Variants in SLC3A1 observed in about 807,000 individuals in gnomAD.
SLC3A1 encodes the protein amino acid transporter heavy chain SLC3A1.
In SLC3A1, 78 loss-of-function variants were observed where a neutral mutation model predicts 60.3. The ratio of observed to expected loss-of-function variants is 1.29; its 90% CI spans 1.08 to 1.56. SLC3A1 has a LOEUF of 1.56. SLC3A1 is among the 40% of genes most tolerant of loss of function. The pLI, the probability that SLC3A1 is intolerant of heterozygous loss-of-function variation, is 0.00. For missense variants in SLC3A1, 1,172 were observed against 858.9 expected, an observed-to-expected ratio of 1.36 and a Z score of -4.56; for synonymous variants, 392 against 307.9, an observed-to-expected ratio of 1.27 and a Z score of -2.86.
chr2:44,319,510 T>C (rs1053354307), intron 9 of SLC3A1: 1 of 152,276 alleles, frequency 6.6e-6, no homozygotes, highest in East Asian at 1.9e-4. Context: ...GGAGGCTATA[T>C]TATATAGTCA....
Position 44,320,465 on chromosome 2 carries a change from C to T in SLC3A1, c.1884C>T (p.Asp628=). The change falls in exon 10 of 10, where the codon GAC becomes GAT. Residue 628 remains aspartate (D), a synonymous_variant. Coordinates refer to ENST00000260649, the MANE Select transcript of SLC3A1 (RefSeq NM_000341.4). The part of the protein sequence containing the change: ...MRIRLSTNSA[D]KGSKVDTSGI... ...TAAGGTTAAGTACCAATTCTGCCGA[C>T]AAAGGCAGTAAAGTTGATACAAGTG... 1.2e-6 allele frequency: 2 copies of T among 1,614,122 alleles called. No homozygotes were observed. The highest frequency in any genetic ancestry group is 1.7e-6 in the Non-Finnish European group (2 of 1,179,972).
At chr2:44,308,954 G>A (rs766811419) in intron 7 of SLC3A1, among the ~76,000 whole-genome samples, 11 of 151,986 alleles carry the variant, frequency 7.2e-5, no homozygotes, top group Non-Finnish European at 1.0e-4. Context: ...AGATGGCCTC[G>A]GTCTCCTGAC....
At position 44,301,116 on chromosome 2, in the gene SLC3A1, C is replaced by T. The variant is rs760943092; in HGVS notation, c.1125C>T (p.Pro375=). 40 of 1,610,466 alleles carry T rather than the reference C, an allele frequency of 2.5e-5. No homozygotes were observed. The Admixed American group carries it at 3.8e-4, about 15-fold the overall frequency. The part of the protein sequence containing the change: ...RQTMDQYSTE[P]GRYRFMGTEA... ...CCATGGACCAATACAGCACGGAGCCCGGCAGATACAGGTTGACCACGGCAT... is the reference window on the plus strand; with the variant it reads ...CCATGGACCAATACAGCACGGAGCCTGGCAGATACAGGTTGACCACGGCAT... Residue 375 remains proline, a synonymous_variant, in exon 6 of 10, where the codon CCC becomes CCT. Transcript: ENST00000260649.
In SLC3A1 at chr2:44,301,187, C is replaced by A. The variant is rs558162191; in HGVS notation, c.1136+60C>A. On this transcript the variant is annotated intron_variant, in intron 6 of 9. Transcript: ENST00000260649. The stretch of plus-strand genomic sequence containing the variant: ...GCTTAGTGTGTGATCTGCAGTGTAT[C>A]CCTCACAACCAAGTGTATTTGGAGG... 4.4e-5 allele frequency: 70 copies of A among 1,597,738 alleles called. 1 individual carries two copies. In the South Asian group the frequency reaches 6.5e-4, roughly 15 times the overall value.
chr2:44,307,357 G>C (rs1672183862), intron 7 of SLC3A1, among the ~76,000 whole-genome samples: 1 of 152,196 alleles, frequency 6.6e-6, no homozygotes, highest in Non-Finnish European at 1.5e-5. Context: ...ATATCCAGGA[G>C]TGGAATTGCT....
intron 4 of SLC3A1, among the ~76,000 whole-genome samples, chr2:44,296,682 C>A (rs1454451589): frequency 6.6e-6 from 1 of 152,132 alleles, no homozygotes; most frequent in Non-Finnish European, 1.5e-5. Flanking sequence ...GACTTGAAAC[C>A]TCCATATTCA....
chr2:44,295,032 C>G lies in SLC3A1; in HGVS notation c.892-4939C>G, dbSNP rs190945913. On this transcript the variant is annotated intron_variant, in intron 4 of 9. Coordinates refer to ENST00000260649, the MANE Select transcript of SLC3A1 (RefSeq NM_000341.4). ...GTGCTAGGATTACAGGCATGAGCCACCACACCTGGCTTAAGAGGATGTCTT... is the reference window on the plus strand; with the variant it reads ...GTGCTAGGATTACAGGCATGAGCCAGCACACCTGGCTTAAGAGGATGTCTT... 3.6e-3 allele frequency among the ~76,000 whole-genome samples: 555 copies of G among 152,238 alleles called. 3 individuals carry two copies. Among genetic ancestry groups the G allele is most frequent in the African/African-American group, 0.013 (536 of 41,540 alleles).
intron 4 of SLC3A1, among the ~76,000 whole-genome samples, chr2:44,287,786 G>T (rs987613997): frequency 1.3e-5 from 2 of 152,164 alleles, no homozygotes; most frequent in African/African-American, 2.4e-5. Context: ...AGGTGGGAAG[G>T]AGACCCTAAC....
intron 4 of SLC3A1, among the ~76,000 whole-genome samples, chr2:44,292,504 C>A (rs955930778): frequency 6.6e-6 from 1 of 151,978 alleles, no homozygotes; most frequent in South Asian, 2.1e-4. Context: ...CTCTTGTGGC[C>A]ATCCTGGGGC....
Position 44,320,941 on chromosome 2 carries a change from A to G in SLC3A1, c.*302A>G, listed in dbSNP as rs540294069. On this transcript the variant is annotated 3_prime_UTR_variant, in exon 10 of 10. Transcript: ENST00000260649. ...AACGAATTTTAAGGGGAAGAATTTT[A>G]TCTTTTCCCTTAAAATGCAGTCATA... 104 of 424,618 alleles carry G rather than the reference A, an allele frequency of 2.4e-4. No homozygotes were observed. The highest frequency in any genetic ancestry group is 2.1e-3 in the Middle Eastern group (3 of 1,460). The allele number at this position is 424,618 out of a possible 1,614,324, so 26.3% of individuals were successfully genotyped here.
chr2:44,314,042 C>T, intron 9 of SLC3A1, 91 bp downstream of exon 9: 1 of 1,588,522 alleles, frequency 6.3e-7, no homozygotes, highest in Non-Finnish European at 8.6e-7. Flanking sequence ...GTGTCTAAAC[C>T]TTAACGGATA....
intron 8 of SLC3A1, 103 bp from the exon 9 acceptor site, chr2:44,313,732 T>TA: frequency 1.0e-6 from 1 of 991,294 alleles, no homozygotes; most frequent in South Asian, 1.3e-5. Context: ...AAACACTAGC[T>TA]AAGAACTATG....
downstream of SLC3A1, among the ~76,000 whole-genome samples, chr2:44,322,090 G>A (rs2241869): frequency 0.69 from 104,548 of 151,938 alleles, 36,788 homozygotes; most frequent in African/African-American, 0.8. Context: ...CTGACACAGC[G>A]AAAGCAGGAA....
intron 5 of SLC3A1, among the ~76,000 whole-genome samples, 170 bp from the exon 6 acceptor site, chr2:44,300,833 T>C (rs1417196475): frequency 6.6e-6 from 1 of 152,212 alleles, no homozygotes; most frequent in Non-Finnish European, 1.5e-5. Context: ...TTTATAAAGT[T>C]AACAACTTGA....
chr2:44,286,497 A>ACGGTGCCTGTGACGGTGAGCTGTG (rs767281628), intron 4 of SLC3A1, among the ~76,000 whole-genome samples: 2 of 140,674 alleles, frequency 1.4e-5, no homozygotes, highest in African/African-American at 2.7e-5. Flanking sequence ...AGTGAGCTGT[A>ACGGTGCCTGTGACGGTGAGCTGTG]CGGTGCCTGT....
chr2:44,289,450 A>G (rs1345527663), intron 4 of SLC3A1, among the ~76,000 whole-genome samples: 1 of 151,868 alleles, frequency 6.6e-6, no homozygotes, highest in African/African-American at 2.4e-5. Context: ...GTCTCAAGCA[A>G]TCCTCCTGCC....
At chr2:44,276,158 T>C (rs1208705578) in intron 1 of SLC3A1, among the ~76,000 whole-genome samples, 193 bp downstream of exon 1, 1 of 152,250 alleles carries the variant, frequency 6.6e-6, no homozygotes, top group Non-Finnish European at 1.5e-5. Flanking sequence ...TTTTACTAGC[T>C]GAAGGGCTAT....
At chr2:44,303,976 A>C in intron 6 of SLC3A1, 167 bp from the exon 7 acceptor site, 2 of 696,918 alleles carry the variant, frequency 2.9e-6, no homozygotes, top group Non-Finnish European at 5.3e-6. Context: ...AATCCAGTCT[A>C]ACATTTGGTG....
chr2:44,320,377 T>C lies in SLC3A1; in HGVS notation c.1796T>C (p.Phe599Ser), dbSNP rs146963107. The C allele has an allele frequency of 5.9e-5, 95 of 1,613,998 alleles. No individual in the cohort carries two copies. Among genetic ancestry groups the C allele is most frequent in the Non-Finnish European group, 8.0e-5 (94 of 1,179,984 alleles). ...AGAATCTTTATCGTGGTTCTGAATT[T>C]TGGAGAATCAACACTGTTAAATCTA... ...IDRIFIVVLNFGESTLLNLHN... is the reference protein window; with the variant it reads ...IDRIFIVVLNSGESTLLNLHN... The change falls in exon 10 of 10, where the codon TTT becomes TCT. Residue 599 changes from phenylalanine (F) to serine (S), a missense_variant. Physicochemically the swap from Phe to Ser is radical, Grantham distance 155. Transcript: ENST00000260649.
Sources: gnomAD v4.1 joint callset for allele counts (sites outside exome capture counted in the v4.1 genomes callset) on GRCh38, gnomAD v4.1.1 for gene constraint, MANE v1.5 for transcripts, NCBI Gene and HGNC (gene_info 2026-07-23, HGNC 2026-07-21) for gene names.